AKAP6: variants seen among roughly 807,000 people sequenced by gnomAD.
AKAP6 encodes A-kinase anchor protein 6.
In AKAP6, 58 loss-of-function variants were observed where a neutral mutation model predicts 188.5. That is an observed-to-expected ratio of 0.31 (90% CI 0.25 to 0.38). The LOEUF (loss-of-function observed/expected upper bound fraction) is 0.38. Ranked by LOEUF, AKAP6 falls within the 10% of genes least tolerant of loss-of-function variation. The probability of loss-of-function intolerance (pLI) is 1.00; values close to 1 mark genes in which losing one functional copy is unlikely to be tolerated. For missense variants in AKAP6, 2,710 were observed against 2,740.0 expected (o/e 0.99, Z 0.24); for synonymous variants, 989 against 998.6 (o/e 0.99, Z 0.18).
At chr14:32,760,009 A>G (rs868761040) in intron 11 of AKAP6, among the ~76,000 whole-genome samples, 5 of 152,364 alleles carry the variant, frequency 3.3e-5, no homozygotes, top group South Asian at 4.1e-4. Flanking sequence ...TACATTTTCA[A>G]TCTTGTTTGC....
rs191654303 is a variant in AKAP6 at position 32,691,641 on chromosome 14, C to A, written c.2880-4349C>A. ...TGCCATGACCTCAGCTCACTGCAAC[C>A]TTTGCCTCCTGGGTTCAAGCAATTC... On this transcript the variant is annotated intron_variant, in intron 8 of 13. Transcript: ENST00000280979. Among the ~76,000 whole-genome samples the A allele has an allele frequency of 5.8e-3, 886 of 152,232 alleles. 21 individuals are homozygous for A. The highest frequency in any genetic ancestry group is 0.04 in the Admixed American group (619 of 15,288).
At chr14:32,685,506 C>T (rs35412801) in intron 8 of AKAP6, among the ~76,000 whole-genome samples, 35,745 of 151,510 alleles carry the variant, frequency 0.24, 4,955 homozygotes, top group South Asian at 0.38. Context: ...GGGCGGATCA[C>T]GAGGTCAGGA....
chr14:32,426,532 T>C (rs939294942), intron 1 of AKAP6, among the ~76,000 whole-genome samples: 2 of 152,212 alleles, frequency 1.3e-5, no homozygotes, highest in East Asian at 3.8e-4. Context: ...GTACAAATTA[T>C]ATATTAAAGT....
intron 4 of AKAP6, among the ~76,000 whole-genome samples, chr14:32,572,723 A>G (rs1166495085): frequency 6.6e-6 from 1 of 152,222 alleles, no homozygotes; most frequent in Non-Finnish European, 1.5e-5. Context: ...ATTTTTCACA[A>G]ACCAGTAAGT....
At chr14:32,372,611 G>A (rs1212928951) in intron 1 of AKAP6, among the ~76,000 whole-genome samples, 1 of 151,346 alleles carries the variant, frequency 6.6e-6, no homozygotes, top group South Asian at 2.1e-4. Context: ...AGAGGAACTG[G>A]CAAGATTCAG....
intron 12 of AKAP6, among the ~76,000 whole-genome samples, chr14:32,794,912 G>A (rs559787612): frequency 5.3e-5 from 8 of 151,888 alleles, no homozygotes; most frequent in Non-Finnish European, 1.0e-4. Context: ...AAGAAGAAAA[G>A]AGAAAACAAT....
At chr14:32,696,168 G>T (rs1890394413) in intron 9 of AKAP6, 58 bp downstream of exon 9, 1 of 1,521,988 alleles carries the variant, frequency 6.6e-7, no homozygotes, top group East Asian at 2.4e-5. Flanking sequence ...AGCCTGACAA[G>T]TCTCTCTCTC....
intron 7 of AKAP6, among the ~76,000 whole-genome samples, chr14:32,631,742 T>C (rs1887283137): frequency 6.6e-6 from 1 of 152,080 alleles, no homozygotes. Flanking sequence ...AAATGAGATG[T>C]TTAAAATGAT....
chr14:32,388,754 G>T (rs1259668087), intron 1 of AKAP6, among the ~76,000 whole-genome samples: 1 of 151,978 alleles, frequency 6.6e-6, no homozygotes, highest in African/African-American at 2.4e-5. Context: ...ATTTATTGAG[G>T]CTTGTTTTGT....
intron 7 of AKAP6, among the ~76,000 whole-genome samples, chr14:32,641,469 T>TAAAAAAAAA (rs35618540): frequency 1.7e-5 from 2 of 119,858 alleles, no homozygotes; most frequent in Non-Finnish European, 1.8e-5. Flanking sequence ...GAAACCCTGC[T>TAAAAAAAAA]AAAAAAAAAA....
At chr14:32,583,371 C>T (rs926323104) in intron 5 of AKAP6, among the ~76,000 whole-genome samples, 5 of 152,266 alleles carry the variant, frequency 3.3e-5, no homozygotes, top group South Asian at 2.1e-4. Context: ...GAGGAGTACC[C>T]GGCCGTGTGA....
At chr14:32,383,618 C>G (rs545551174) in intron 1 of AKAP6, among the ~76,000 whole-genome samples, 1 of 152,230 alleles carries the variant, frequency 6.6e-6, no homozygotes, top group African/African-American at 2.4e-5. Flanking sequence ...ATGAGTAATT[C>G]TGCATATCAA....
intron 9 of AKAP6, among the ~76,000 whole-genome samples, chr14:32,731,789 A>G (rs957981581): frequency 1.3e-5 from 2 of 152,110 alleles, no homozygotes; most frequent in Non-Finnish European, 2.9e-5. Context: ...CCAGCAAAAC[A>G]TCTTTTAGGA....
At chr14:32,412,287 T>C (rs1388696497) in intron 1 of AKAP6, among the ~76,000 whole-genome samples, 5 of 152,198 alleles carry the variant, frequency 3.3e-5, no homozygotes, top group Non-Finnish European at 7.3e-5. Context: ...ATTTACATAT[T>C]CAGTACAAGC....
intron 1 of AKAP6, among the ~76,000 whole-genome samples, chr14:32,421,332 A>G (rs2383301): frequency 0.16 from 9,573 of 60,942 alleles, 380 homozygotes; most frequent in East Asian, 0.22. Context: ...CTCCTGCAAT[A>G]GTCACTAATT....
intron 7 of AKAP6, among the ~76,000 whole-genome samples, chr14:32,670,220 C>T (rs1889123695): frequency 6.6e-6 from 1 of 151,970 alleles, no homozygotes; most frequent in South Asian, 2.1e-4. Context: ...GTAAATGCCC[C>T]CAGGATTAAA....
intron 11 of AKAP6, among the ~76,000 whole-genome samples, chr14:32,757,415 C>T (rs17091659): frequency 0.013 from 1,996 of 152,160 alleles, 48 homozygotes; most frequent in African/African-American, 0.044. Context: ...CTTCTGAGAA[C>T]GCCTCACTCC....
intron 2 of AKAP6, among the ~76,000 whole-genome samples, chr14:32,481,414 G>A (rs973645103): frequency 6.6e-6 from 1 of 152,182 alleles, no homozygotes; most frequent in East Asian, 1.9e-4. Context: ...AGACATACCC[G>A]GGACTGGGTA....
At chr14:32,466,849 T>TA (rs60906002) in intron 2 of AKAP6, among the ~76,000 whole-genome samples, 30 of 93,608 alleles carry the variant, frequency 3.2e-4, no homozygotes, top group Non-Finnish European at 4.5e-4. Context: ...ATATATATTT[T>TA]CTTTCTTAGC....
Sources: gnomAD v4.1 joint callset for allele counts (sites outside exome capture counted in the v4.1 genomes callset) on GRCh38, gnomAD v4.1.1 for gene constraint, MANE v1.5 for transcripts, NCBI Gene and HGNC (gene_info 2026-07-23, HGNC 2026-07-21) for gene names.